NBPF19: variants seen among roughly 807,000 people sequenced by gnomAD.
NBPF19 encodes NBPF family member NBPF19.
NBPF19 carries 30 observed loss-of-function variants against 45.9 expected under a neutral mutation model. The observed-to-expected ratio is 0.65, with a 90% CI of 0.49 to 0.89. The LOEUF is 0.89. Ranked by LOEUF, NBPF19 falls within the 40% of genes least tolerant of loss-of-function variation. The pLI is 0.00. For synonymous variants in NBPF19, 183 were observed against 181.2 expected (o/e 1.01, Z -0.08); for missense variants, 495 against 471.8 (o/e 1.05, Z -0.46).
chr1:149,535,329 C>G (rs1376917614), intron 69 of NBPF19, among the ~76,000 whole-genome samples: 2 of 142,704 alleles, frequency 1.4e-5, no homozygotes, highest in African/African-American at 2.6e-5. Context: ...CTCTGTCTCT[C>G]TCTCTGTCTC....
chr1:149,497,294 G>A (rs1419569029), intron 21 of NBPF19, among the ~76,000 whole-genome samples: 1 of 22,830 alleles, frequency 4.4e-5, no homozygotes, highest in African/African-American at 4.3e-4. Context: ...CTCTGTCTCT[G>A]TCTCTCTCTC....
rs1570941676 is a variant in NBPF19, at chr1:149,478,841, C to T, written c.279-39C>T. The T allele has an allele frequency of 3.3e-6, 5 of 1,531,086 alleles. No individual in the cohort carries two copies. In the South Asian group the frequency reaches 5.6e-5, roughly 17 times the overall value. 94.8% of individuals were successfully genotyped at this position (1,531,086 alleles called of 1,614,324 possible). ...GCAATATTTGAACGGATCACTCAAC[C>T]CTTTCTACTCTTAAATTTTCTCTAC... On this transcript the variant is annotated intron_variant, in intron 3 of 93. Transcript: ENST00000651566.
At position 149,554,892 on chromosome 1, in the gene NBPF19, A is replaced by G. The variant is rs2087210117; in HGVS notation, c.*154A>G. ...CCTATTCTCAAACCATGCCAGTGGC[A>G]ACCTGTGCTCAGTCTGAAGACAATG... is the stretch of plus-strand genomic sequence containing the variant. On this transcript the variant is annotated 3_prime_UTR_variant, in exon 94 of 94. Transcript: ENST00000651566. The G allele has an allele frequency of 7.2e-7, 1 of 1,397,800 alleles. No individual in the cohort carries two copies. Among genetic ancestry groups the G allele is most frequent in the Non-Finnish European group, 9.8e-7 (1 of 1,019,452 alleles). The allele number at this position is 1,397,800 out of a possible 1,614,324, so 86.6% of individuals were successfully genotyped here. A position where few individuals can be genotyped will look rare whatever the true frequency, so the allele number is the denominator to read the frequency against.
At chr1:149,485,985 G>T in intron 7 of NBPF19, 145 bp from the exon 8 acceptor site, 1 of 167,588 alleles carries the variant, frequency 6.0e-6, no homozygotes, top group South Asian at 3.1e-5. Context: ...TATTTAGAAG[G>T]ATAGTTTTAT....
chr1:149,554,521 A>G lies in NBPF19; in HGVS notation c.11315A>G (p.Glu3772Gly), dbSNP rs1461437969. Residue 3772 changes from glutamate (E) to glycine (G), a missense_variant, in exon 94 of 94, where the codon GAA (glutamate) becomes GGA (glycine). Physicochemically the swap from Glu to Gly is moderately conservative, Grantham distance 98. Transcript: ENST00000651566. ...PRLNSVLMEV[E>G]EPEVLQDSLD... Reference sequence around the variant, plus strand: ...CTCAACAGCGTGCTGATGGAAGTGGAAGAGCCTGAAGTCTTACAGGACTCA... The same window carrying G: ...CTCAACAGCGTGCTGATGGAAGTGGGAGAGCCTGAAGTCTTACAGGACTCA... 1.2e-6 allele frequency: 2 copies of G among 1,608,178 alleles called. No individual in the cohort carries two copies. The highest frequency in any genetic ancestry group is 1.7e-6 in the Non-Finnish European group (2 of 1,176,696).
chr1:149,554,329 C>A (rs2087160236), intron 93 of NBPF19, among the ~76,000 whole-genome samples, 166 bp from the exon 94 acceptor site: 1 of 151,714 alleles, frequency 6.6e-6, no homozygotes, highest in Non-Finnish European at 1.5e-5. Context: ...TCTACCTGGC[C>A]CTGTTCTATC....
chr1:149,554,374 C>A, intron 93 of NBPF19, 121 bp from the exon 94 acceptor site: 3 of 1,578,924 alleles, frequency 1.9e-6, no homozygotes, highest in Non-Finnish European at 2.6e-6. Flanking sequence ...TTTTTTACCT[C>A]ATTAATGGAT....
Position 149,554,872 on chromosome 1 carries a change from T to G in NBPF19, c.*134T>G. On this transcript the variant is annotated 3_prime_UTR_variant, in exon 94 of 94. Coordinates refer to ENST00000651566, the MANE Select transcript of NBPF19 (RefSeq NM_001351365.2). ...TCAGTGGGCATGGCTCTTTTCCTATTCTCAAACCATGCCAGTGGCAACCTG... is the reference window on the plus strand; with the variant it reads ...TCAGTGGGCATGGCTCTTTTCCTATGCTCAAACCATGCCAGTGGCAACCTG... The G allele has an allele frequency of 6.7e-7, 1 of 1,490,168 alleles. No homozygotes were observed. The highest frequency in any genetic ancestry group is 9.1e-7 in the Non-Finnish European group (1 of 1,097,332). The allele number at this position is 1,490,168 out of a possible 1,614,324, so 92.3% of individuals were successfully genotyped here.
At chr1:149,487,469 A>C (rs1482428723) in intron 9 of NBPF19, 86 bp downstream of exon 9, 1 of 972,784 alleles carries the variant, frequency 1.0e-6, no homozygotes, top group African/African-American at 1.6e-5. Flanking sequence ...GCTGAAAATA[A>C]TGATTTTGTC....
At chr1:149,487,937 A>C in intron 9 of NBPF19, 76 bp from the exon 10 acceptor site, 2 of 723,374 alleles carry the variant, frequency 2.8e-6, no homozygotes, top group African/African-American at 1.8e-5. Context: ...TCCTTATGTT[A>C]GCCATGAAAT....
At position 149,488,012 on chromosome 1, in the gene NBPF19, G is replaced by A. The variant is rs2085721796; in HGVS notation, c.1041-1G>A. The stretch of plus-strand genomic sequence containing the variant: ...TTCTTTACTTTTTCCCACTTTTCCA[G>A]GCTCAGCAGGGAGCTGCTGGATGAG... On this transcript the variant is annotated splice_acceptor_variant, in intron 9 of 93. Coordinates refer to ENST00000651566, the MANE Select transcript of NBPF19 (RefSeq NM_001351365.2). LOFTEE classifies it high-confidence loss of function. The A allele has an allele frequency of 1.5e-6, 1 of 686,916 alleles. No individual in the cohort carries two copies. Among genetic ancestry groups the A allele is most frequent in the Non-Finnish European group, 2.7e-6 (1 of 375,178 alleles). 42.6% of individuals were successfully genotyped at this position (686,916 alleles called of 1,614,324 possible). A position where few individuals can be genotyped will look rare whatever the true frequency, so the allele number is the denominator to read the frequency against.
In NBPF19 at chr1:149,487,997, T is replaced by C. The variant is rs1374932616; in HGVS notation, c.1041-16T>C. On this transcript the variant is annotated splice_polypyrimidine_tract_variant and intron_variant, in intron 9 of 93. Transcript: ENST00000651566. Reference sequence around the variant, plus strand: ...ATTCCCCCTGGCTTATTCTTTACTTTTTCCCACTTTTCCAGGCTCAGCAGG... The same window carrying C: ...ATTCCCCCTGGCTTATTCTTTACTTCTTCCCACTTTTCCAGGCTCAGCAGG... 2 of 689,172 alleles carry C rather than the reference T, an allele frequency of 2.9e-6. No homozygotes were observed. Among genetic ancestry groups the C allele is most frequent in the Non-Finnish European group, 5.3e-6 (2 of 375,150 alleles). The allele number at this position is 689,172 out of a possible 1,614,324, so 42.7% of individuals were successfully genotyped here. A position where few individuals can be genotyped will look rare whatever the true frequency, so the allele number is the denominator to read the frequency against.
In NBPF19 at chr1:149,486,837, T is replaced by C. The variant is rs1158208150; in HGVS notation, c.989-495T>C. Among the ~76,000 whole-genome samples the C allele has an allele frequency of 6.1e-4, 92 of 150,598 alleles. 2 individuals are homozygous for C. The highest frequency in any genetic ancestry group is 4.6e-3 in the Admixed American group (69 of 15,082). On this transcript the variant is annotated intron_variant, in intron 8 of 93. Coordinates refer to ENST00000651566, the MANE Select transcript of NBPF19 (RefSeq NM_001351365.2). ...TCCGTCATGTTCCTGGTATGTTTTC[T>C]AGATAAATGGCTGACTTTTCACCCA...
Position 149,479,827 on chromosome 1 carries a change from G to T in NBPF19, c.494-315G>T, listed in dbSNP as rs1170960075. Among the ~76,000 whole-genome samples the T allele has an allele frequency of 2.9e-4, 44 of 150,898 alleles. 1 individual carries two copies. Among genetic ancestry groups the T allele is most frequent in the Non-Finnish European group, 2.1e-4 (14 of 67,534 alleles). ...TGACAGGACACCAAGCCTGTGCCTG[G>T]GAATCAGATCTGGCAGGATGGGGGA... On this transcript the variant is annotated intron_variant, in intron 4 of 93. Coordinates refer to ENST00000651566, the MANE Select transcript of NBPF19 (RefSeq NM_001351365.2).
At chr1:149,490,932 G>T (rs2085834318) in intron 13 of NBPF19, among the ~76,000 whole-genome samples, 1 of 136,310 alleles carries the variant, frequency 7.3e-6, no homozygotes, top group South Asian at 2.5e-4. Context: ...GTGTGTGTGT[G>T]TGTGTGTGTG....
rs1225395012 is a variant in NBPF19 at position 149,488,136 on chromosome 1, C to A, written c.1164C>A (p.Ala388=). Residue 388 remains alanine (A), a synonymous_variant, in exon 10 of 94, where the codon GCC becomes GCA. Transcript: ENST00000651566. ...ACTCATGCCAGCCCTACAGAAGTGC[C>A]TTTTACGTATTGGAGCAACAGCGTG... ...LTDSCQPYRS[A]FYVLEQQRVG... The A allele has an allele frequency of 1.2e-4, 81 of 678,060 alleles. 1 individual carries two copies. The highest frequency in any genetic ancestry group is 3.3e-4 in the East Asian group (12 of 36,556). 42.0% of individuals were successfully genotyped at this position (678,060 alleles called of 1,614,324 possible).
intron 3 of NBPF19, among the ~76,000 whole-genome samples, 159 bp downstream of exon 3, chr1:149,478,206 A>G (rs1462631894): frequency 6.7e-6 from 1 of 150,068 alleles, no homozygotes; most frequent in East Asian, 1.9e-4. Context: ...GTGAACAAGG[A>G]TAATAATAAG....
rs1386724198 is a variant in NBPF19, at chr1:149,475,451, A to G, written c.-380A>G. On this transcript the variant is annotated 5_prime_UTR_variant, in exon 1 of 94. The change abolishes an upstream ATG in the 5' untranslated region. Transcript: ENST00000651566. ...TATGCTTAGATGTATTGGGAAAGACATGGGTCTGTGGCATTGTCACAAGGG... is the reference window on the plus strand; with the variant it reads ...TATGCTTAGATGTATTGGGAAAGACGTGGGTCTGTGGCATTGTCACAAGGG... 6.6e-6 allele frequency among the ~76,000 whole-genome samples: 1 copy of G among 151,090 alleles called. No individual in the cohort carries two copies. Among genetic ancestry groups the G allele is most frequent in the Non-Finnish European group, 1.5e-5 (1 of 67,640 alleles).
intron 4 of NBPF19, among the ~76,000 whole-genome samples, chr1:149,479,624 G>T (rs1463760100): frequency 0.021 from 3,164 of 148,236 alleles, 133 homozygotes; most frequent in Non-Finnish European, 0.031. Flanking sequence ...GGCACTTGAT[G>T]TGGGGGCATT....
Sources: allele counts gnomAD v4.1 joint callset (sites outside exome capture counted in the v4.1 genomes callset), GRCh38; gene constraint gnomAD v4.1.1; transcripts MANE v1.5; gene names NCBI Gene and HGNC (gene_info 2026-07-23, HGNC 2026-07-21).